TNC: variants seen among roughly 807,000 people sequenced by gnomAD.
TNC encodes the protein tenascin.
TNC carries 109 observed loss-of-function variants against 202.4 expected under a neutral mutation model. That is an observed-to-expected ratio of 0.54 (90% CI 0.46 to 0.63). The LOEUF (loss-of-function observed/expected upper bound fraction) is 0.63, where lower values mean the gene tolerates loss of function less well. Among genes scored for constraint, TNC ranks in the 30% least tolerant of loss-of-function variants. The pLI, the probability that TNC is intolerant of heterozygous loss-of-function variation, is 0.00. For synonymous variants in TNC, 1,007 were observed against 1,089.7 expected (o/e 0.92, Z 1.50); for missense variants, 2,756 against 2,833.3 (o/e 0.97, Z 0.62).
rs752072781 is a variant in TNC at position 115,084,268 on chromosome 9, C to T, written c.2072G>A (p.Arg691His). Residue 691 changes from arginine (R) to histidine (H), a missense_variant, in exon 4 of 28, where the codon CGT becomes CAT. Transcript: ENST00000350763. ...CTTGTTCTCCAGGATGGCAAATACA[C>T]GGATAAAGTACTCCACACCAGGCTC... ...ELEPGVEYFIRVFAILENKKS... is the reference protein window; with the variant it reads ...ELEPGVEYFIHVFAILENKKS... 94 of 1,614,032 alleles carry T rather than the reference C, an allele frequency of 5.8e-5. 2 individuals carry two copies. The highest frequency in any genetic ancestry group is 5.3e-4 in the South Asian group (48 of 91,096).
Position 115,064,902 on chromosome 9 carries a change from C to A in TNC, c.3232G>T (p.Glu1078Ter). The A allele has an allele frequency of 6.2e-7, 1 of 1,614,086 alleles. No individual in the cohort carries two copies. Among genetic ancestry groups the A allele is most frequent in the Non-Finnish European group, 8.5e-7 (1 of 1,179,994 alleles). Reference protein sequence around the residue: ...KASTEQAPELENLTVTEVGWD... With the variant: ...KASTEQAPEL ...CCAACCTCAGTCACGGTGAGGTTTT[C>A]CAGCTCAGGGGCTTGTTCTGAATAA... is the stretch of plus-strand genomic sequence containing the variant. Residue 1078 changes from glutamate (E) to a stop codon, truncating the protein, a stop_gained, in exon 11 of 28, where the codon GAA (glutamate) becomes TAA (stop). Transcript: ENST00000350763. LOFTEE classifies it high-confidence loss of function.
intron 14 of TNC, among the ~76,000 whole-genome samples, chr9:115,059,503 G>C (rs962323241): frequency 5.3e-5 from 8 of 152,220 alleles, no homozygotes; most frequent in African/African-American, 1.4e-4. Flanking sequence ...TGAAAGGCTG[G>C]GGGGCTGGAG....
chr9:115,107,439 A>C (rs975927469), intron 1 of TNC, among the ~76,000 whole-genome samples: 17 of 152,212 alleles, frequency 1.1e-4, no homozygotes, highest in African/African-American at 3.9e-4. Context: ...GAAACTAAAT[A>C]CAGATTGAAT....
In TNC at chr9:115,026,679, G is replaced by T. The variant is rs755204486; in HGVS notation, c.6186C>A (p.Asn2062Lys). Residue 2062 changes from asparagine to lysine, a missense_variant, in exon 26 of 28, where the codon AAC becomes AAA. Transcript: ENST00000350763. The stretch of plus-strand genomic sequence containing the variant: ...CGTACTGCCCCTGGGCTGTGATTTT[G>T]TTCAGGTTGTCCAGCCCTGTGGATG... The part of the protein sequence containing the change: ...EEFWLGLDNL[N>K]KITAQGQYEL... 9 of 1,613,846 alleles carry T rather than the reference G, an allele frequency of 5.6e-6. No individual in the cohort carries two copies. In the East Asian group the frequency reaches 8.9e-5, roughly 16 times the overall value.
At chr9:115,037,376 T>C (rs1056690900) in intron 20 of TNC, among the ~76,000 whole-genome samples, 2 of 152,234 alleles carry the variant, frequency 1.3e-5, no homozygotes, top group Middle Eastern at 3.2e-3. Context: ...AAGCACTCTC[T>C]CTTTCTCCAG....
chr9:115,029,581 G>C, intron 24 of TNC, 125 bp from the exon 25 acceptor site: 1 of 951,538 alleles, frequency 1.1e-6, no homozygotes, highest in Non-Finnish European at 1.6e-6. Flanking sequence ...TCCCTAATTT[G>C]CTATGTAACT....
intron 17 of TNC, 63 bp downstream of exon 17, chr9:115,046,347 C>T: frequency 6.4e-7 from 1 of 1,570,972 alleles, no homozygotes; most frequent in Non-Finnish European, 8.7e-7. Flanking sequence ...ATTACTCAGC[C>T]CTGTGAGAAG....
chr9:115,025,642 G>A (rs1475300574), intron 26 of TNC, among the ~76,000 whole-genome samples: 1 of 151,848 alleles, frequency 6.6e-6, no homozygotes, highest in Non-Finnish European at 1.5e-5. Flanking sequence ...TTTTACCTTG[G>A]ACAAATCACT....
intron 1 of TNC, among the ~76,000 whole-genome samples, chr9:115,093,472 C>T (rs1252511564): frequency 6.6e-6 from 1 of 152,176 alleles, no homozygotes; most frequent in East Asian, 1.9e-4. Context: ...GGAGACTTGG[C>T]ATGTTCTCTC....
At chr9:115,038,182 A>G in intron 20 of TNC, 79 bp downstream of exon 20, 3 of 1,539,414 alleles carry the variant, frequency 1.9e-6, no homozygotes, top group Non-Finnish European at 2.6e-6. Context: ...CAAATGTGGC[A>G]GGGAGAAGAG....
chr9:115,037,296 T>C (rs149024981), intron 20 of TNC, among the ~76,000 whole-genome samples: 1 of 152,264 alleles, frequency 6.6e-6, no homozygotes, highest in East Asian at 1.9e-4. Flanking sequence ...GAAACTTACC[T>C]ATACCTGGAA....
At chr9:115,109,507 T>C (rs978746894) in intron 1 of TNC, among the ~76,000 whole-genome samples, 2 of 152,224 alleles carry the variant, frequency 1.3e-5, no homozygotes, top group Admixed American at 6.5e-5. Context: ...CTTCTCCATG[T>C]CCTAAGATAG....
At chr9:115,063,658 A>C in intron 12 of TNC, 138 bp downstream of exon 12, 1 of 973,624 alleles carries the variant, frequency 1.0e-6, no homozygotes, top group Non-Finnish European at 1.5e-6. Context: ...TGTGACATTT[A>C]GGAAGAAGCA....
intron 20 of TNC, among the ~76,000 whole-genome samples, chr9:115,036,624 C>G (rs1830355379): frequency 6.6e-6 from 1 of 152,144 alleles, no homozygotes; most frequent in Non-Finnish European, 1.5e-5. Flanking sequence ...GCTCTCCTCT[C>G]TTTGTCACTT....
intron 20 of TNC, among the ~76,000 whole-genome samples, chr9:115,037,590 C>T (rs771424750): frequency 3.3e-5 from 5 of 152,196 alleles, no homozygotes; most frequent in South Asian, 2.1e-4. Context: ...TGCAGTGGTG[C>T]GATCTCGGCT....
intron 26 of TNC, 142 bp downstream of exon 26, chr9:115,026,392 G>T: frequency 1.2e-6 from 1 of 850,334 alleles, no homozygotes. Context: ...TTTCTGGATT[G>T]GCACTCAGTA....
chr9:115,058,657 G>T (rs936917755), intron 14 of TNC, among the ~76,000 whole-genome samples: 1 of 152,212 alleles, frequency 6.6e-6, no homozygotes, highest in Non-Finnish European at 1.5e-5. Flanking sequence ...AATGACTGAG[G>T]TTAAAATGCA....
chr9:115,032,077 GC>G (rs1486621921), intron 22 of TNC, among the ~76,000 whole-genome samples: 2 of 152,168 alleles, frequency 1.3e-5, no homozygotes, highest in African/African-American at 4.8e-5. Context: ...GAGCCATGGG[GC>G]CCAGATATTT....
At chr9:115,046,071 TAA>T (rs1554796020) in intron 17 of TNC, among the ~76,000 whole-genome samples, 2 of 118,068 alleles carry the variant, frequency 1.7e-5, no homozygotes, top group African/African-American at 5.3e-5. Context: ...CTTTGGAACG[TAA>T]AAAAAAAAAG....
Sources: gnomAD v4.1 joint callset for allele counts (sites outside exome capture counted in the v4.1 genomes callset) on GRCh38, gnomAD v4.1.1 for gene constraint, MANE v1.5 for transcripts, NCBI Gene and HGNC (gene_info 2026-07-23, HGNC 2026-07-21) for gene names.